WDR25: variants seen among roughly 807,000 people sequenced by gnomAD.
The protein encoded by WDR25 is WD repeat-containing protein 25.
WDR25 carries 35 observed loss-of-function variants against 47.7 expected under a neutral mutation model. The observed-to-expected ratio is 0.73, with a 90% CI of 0.56 to 0.97. The LOEUF is 0.97. Among genes scored for constraint, WDR25 ranks in the 50% least tolerant of loss-of-function variants. The pLI is 0.00. For missense variants in WDR25, 634 were observed against 704.7 expected (o/e 0.90, Z 1.14); for synonymous variants, 248 against 278.9 (o/e 0.89, Z 1.10).
At chr14:100,443,495 G>A (rs765750117) in intron 2 of WDR25, among the ~76,000 whole-genome samples, 4 of 152,174 alleles carry the variant, frequency 2.6e-5, no homozygotes, top group African/African-American at 7.2e-5. Context: ...CGTGCTAGCC[G>A]AAGCCTTAAT....
intron 2 of WDR25, among the ~76,000 whole-genome samples, chr14:100,396,727 T>C (rs1897268540): frequency 6.6e-6 from 1 of 152,238 alleles, no homozygotes. Context: ...TCTGTCCGAA[T>C]CAAGCTAAGG....
At chr14:100,513,703 CT>C (rs1374693073) in intron 4 of WDR25, among the ~76,000 whole-genome samples, 6 of 130,890 alleles carry the variant, frequency 4.6e-5, no homozygotes, top group Non-Finnish European at 8.4e-5. Flanking sequence ...TTTTTTTTTT[CT>C]TTTTTTTGAA....
chr14:100,405,338 T>A (rs573937423), intron 2 of WDR25, among the ~76,000 whole-genome samples: 2 of 152,238 alleles, frequency 1.3e-5, no homozygotes, highest in East Asian at 3.9e-4. Context: ...ATTTTGTATT[T>A]TTAGTAGAGA....
intron 4 of WDR25, among the ~76,000 whole-genome samples, chr14:100,496,979 G>A (rs1900753290): frequency 1.3e-5 from 2 of 152,006 alleles, no homozygotes; most frequent in African/African-American, 2.4e-5. Context: ...GGGACTACAG[G>A]CATGTGCCAC....
chr14:100,474,292 T>C (rs1440991336), intron 3 of WDR25, among the ~76,000 whole-genome samples: 1 of 152,226 alleles, frequency 6.6e-6, no homozygotes, highest in Non-Finnish European at 1.5e-5. Flanking sequence ...AAATCAAATG[T>C]TATTAAACTT....
intron 2 of WDR25, among the ~76,000 whole-genome samples, chr14:100,435,685 A>G (rs185965066): frequency 6.6e-6 from 1 of 152,296 alleles, no homozygotes; most frequent in East Asian, 1.9e-4. Context: ...TCATTCATTC[A>G]TTCAGTATGG....
At chr14:100,489,823 A>G (rs528393208) in intron 4 of WDR25, among the ~76,000 whole-genome samples, 1 of 152,272 alleles carries the variant, frequency 6.6e-6, no homozygotes, top group Admixed American at 6.5e-5. Flanking sequence ...ACTCCTCCAG[A>G]GAAGGCTGCA....
At chr14:100,405,192 G>C (rs1287993362) in intron 2 of WDR25, among the ~76,000 whole-genome samples, 1 of 131,506 alleles carries the variant, frequency 7.6e-6, no homozygotes, top group African/African-American at 4.0e-5. Flanking sequence ...ATGGAGTTTT[G>C]CTCTTGTTAC....
In WDR25 at chr14:100,449,759, TC is replaced by T. The variant is rs1310497624; in HGVS notation, c.823-18258del. Among the ~76,000 whole-genome samples the T allele has an allele frequency of 1.3e-5, 2 of 152,174 alleles. No individual in the cohort carries two copies. The highest frequency in any genetic ancestry group is 2.9e-5 in the Non-Finnish European group (2 of 68,024). ...TCCTTGTCCTGGCTTAGGTGACGCC[TC>T]CCCTCACTTGTAGAGGTGGCACCAT... is the stretch of plus-strand genomic sequence containing the variant. On this transcript the variant is annotated intron_variant, in intron 2 of 6. Coordinates refer to ENST00000402312, the MANE Select transcript of WDR25 (RefSeq NM_001161476.3). The surrounding 1 kb of genome is among the most constrained non-coding windows in gnomAD (Gnocchi z 4.2).
intron 2 of WDR25, among the ~76,000 whole-genome samples, chr14:100,397,054 T>C (rs962580489): frequency 6.6e-5 from 10 of 152,272 alleles, no homozygotes; most frequent in African/African-American, 2.4e-4. Flanking sequence ...CAAGGTGGGG[T>C]CTCCCCTCAT....
At chr14:100,513,529 A>G (rs1901381886) in intron 4 of WDR25, among the ~76,000 whole-genome samples, 1 of 152,242 alleles carries the variant, frequency 6.6e-6, no homozygotes, top group African/African-American at 2.4e-5. Context: ...CACTAAGACA[A>G]GGCTTGCAAT....
chr14:100,451,616 A>T (rs774753168), intron 2 of WDR25, among the ~76,000 whole-genome samples: 2 of 152,184 alleles, frequency 1.3e-5, no homozygotes, highest in Non-Finnish European at 2.9e-5. Context: ...TGACATTCAG[A>T]GCCTCAGGCC....
intron 3 of WDR25, among the ~76,000 whole-genome samples, chr14:100,473,870 G>A (rs926798837): frequency 1.3e-5 from 2 of 152,196 alleles, no homozygotes; most frequent in Non-Finnish European, 2.9e-5. Context: ...TTTCGCTAGC[G>A]TAGCTTAGGA....
intron 2 of WDR25, among the ~76,000 whole-genome samples, chr14:100,438,943 C>T (rs1898581913): frequency 1.3e-5 from 2 of 152,198 alleles, no homozygotes; most frequent in South Asian, 2.1e-4. Flanking sequence ...TTCTAGAACC[C>T]CTCTAGGGGT....
Position 100,381,624 on chromosome 14 carries a change from G to T in WDR25, c.700G>T (p.Val234Phe). The part of the protein sequence containing the change: ...YLNSHYKETT[V>F]PRKVLFHLRG... ...GAATAGCCATTATAAAGAAACCACAGTTCCCCGGAAAGTGCTTTTCCACCT... is the reference window on the plus strand; with the variant it reads ...GAATAGCCATTATAAAGAAACCACATTTCCCCGGAAAGTGCTTTTCCACCT... The change falls in exon 2 of 7, where the codon GTT (valine) becomes TTT (phenylalanine). Residue 234 changes from valine (V) to phenylalanine (F), a missense_variant. Coordinates refer to ENST00000402312, the MANE Select transcript of WDR25 (RefSeq NM_001161476.3). The T allele has an allele frequency of 6.2e-7, 1 of 1,608,146 alleles. No homozygotes were observed. The highest frequency in any genetic ancestry group is 8.5e-7 in the Non-Finnish European group (1 of 1,175,266).
chr14:100,377,639 GAA>G (rs1896745759), intron 1 of WDR25, among the ~76,000 whole-genome samples: 1 of 151,858 alleles, frequency 6.6e-6, no homozygotes, highest in Admixed American at 6.6e-5. Flanking sequence ...TTTGCGTGTG[GAA>G]GTTGTTACCT....
chr14:100,459,894 GTATA>G (rs61706956), intron 2 of WDR25, among the ~76,000 whole-genome samples: 3,020 of 77,970 alleles, frequency 0.039, 104 homozygotes, highest in African/African-American at 0.059. Flanking sequence ...GTGTGTGTGT[GTATA>G]TATATATATA....
chr14:100,421,578 GTT>G (rs1898027619), intron 2 of WDR25, among the ~76,000 whole-genome samples: 1 of 152,144 alleles, frequency 6.6e-6, no homozygotes. Context: ...GCACCACCAG[GTT>G]TTAGTTATTA....
chr14:100,389,851 C>G (rs145931255), intron 2 of WDR25, among the ~76,000 whole-genome samples: 10 of 152,246 alleles, frequency 6.6e-5, no homozygotes, highest in African/African-American at 2.4e-4. Context: ...GGAGCTCGGC[C>G]CCCCCATAGA....
Sources: allele counts gnomAD v4.1 joint callset (sites outside exome capture counted in the v4.1 genomes callset), GRCh38; gene constraint gnomAD v4.1.1; non-coding constraint Gnocchi (gnomAD v3.1); transcripts MANE v1.5; gene names NCBI Gene and HGNC (gene_info 2026-07-23, HGNC 2026-07-21).